ACRV1: variants seen among roughly 807,000 people sequenced by gnomAD.
ACRV1 encodes acrosomal protein SP-10.
A neutral mutation model predicts 29.2 loss-of-function variants in ACRV1; 17 were observed. That is an observed-to-expected ratio of 0.58 (90% CI 0.40 to 0.87). The LOEUF is 0.87. Ranked by LOEUF, ACRV1 falls within the 40% of genes least tolerant of loss-of-function variation. The pLI is 0.00. For missense variants in ACRV1, 294 were observed against 316.0 expected (o/e 0.93, Z 0.53); for synonymous variants, 98 against 111.6 (o/e 0.88, Z 0.77).
intron 3 of ACRV1, among the ~76,000 whole-genome samples, chr11:125,672,946 G>A (rs1222090284): frequency 6.6e-6 from 1 of 152,024 alleles, no homozygotes; most frequent in Non-Finnish European, 1.5e-5. Context: ...GGTTTACAAG[G>A]ATGCTCAGGT....
intron 2 of ACRV1, 36 bp from the exon 3 acceptor site, chr11:125,676,514 G>C (rs1350828481): frequency 6.2e-7 from 1 of 1,613,110 alleles, no homozygotes; most frequent in African/African-American, 1.3e-5. Flanking sequence ...ACATTTCCTT[G>C]TGGACCAGAT....
intron 1 of ACRV1, among the ~76,000 whole-genome samples, chr11:125,679,232 T>G (rs1942684030): frequency 6.7e-6 from 1 of 148,602 alleles, no homozygotes; most frequent in Non-Finnish European, 1.5e-5. Flanking sequence ...TTTTTTTTGT[T>G]TCAAAGATAG....
intron 2 of ACRV1, among the ~76,000 whole-genome samples, chr11:125,677,441 A>G (rs555964746): frequency 2.6e-4 from 39 of 152,370 alleles, no homozygotes; most frequent in African/African-American, 8.7e-4. Flanking sequence ...AGGCAGGGTT[A>G]GCATAAAGCT....
chr11:125,677,558 C>G (rs991506439), intron 2 of ACRV1, among the ~76,000 whole-genome samples: 1 of 152,102 alleles, frequency 6.6e-6, no homozygotes, highest in Non-Finnish European at 1.5e-5. Flanking sequence ...TGGAGGGGTA[C>G]TGGCATTTTG....
At chr11:125,673,943 G>A (rs1942348121) in intron 3 of ACRV1, among the ~76,000 whole-genome samples, 1 of 152,172 alleles carries the variant, frequency 6.6e-6, no homozygotes. Context: ...TGGATCACTT[G>A]AGGCCAGGAG....
chr11:125,673,924 C>T (rs1174544242), intron 3 of ACRV1, among the ~76,000 whole-genome samples: 1 of 152,060 alleles, frequency 6.6e-6, no homozygotes, highest in Admixed American at 6.6e-5. Context: ...TTTGGGAGGC[C>T]GAGGCAGGTG....
chr11:125,680,179 T>C (rs1444222494), intron 1 of ACRV1, among the ~76,000 whole-genome samples: 20 of 152,204 alleles, frequency 1.3e-4, no homozygotes, highest in Admixed American at 1.2e-3. Flanking sequence ...ATGGCCTCTT[T>C]CTGCTGTAGG....
rs754393224 is a variant in ACRV1 at position 125,672,585 on chromosome 11, C to T, written c.*8G>A. 3 of 1,613,608 alleles carry T rather than the reference C, an allele frequency of 1.9e-6. No individual in the cohort carries two copies. The highest frequency in any genetic ancestry group is 1.1e-5 in the South Asian group (1 of 91,026). On this transcript the variant is annotated 3_prime_UTR_variant, in exon 4 of 4. Coordinates refer to ENST00000533904, the MANE Select transcript of ACRV1 (RefSeq NM_001612.6). ...TGCCTGAGTCAAAACAAGCAAGGGC[C>T]CAGGCTTCTAGATCTTATTGCAGAA...
chr11:125,680,658 T>G, intron 1 of ACRV1, 71 bp downstream of exon 1: 5 of 1,418,046 alleles, frequency 3.5e-6, no homozygotes, highest in Non-Finnish European at 4.9e-6. Context: ...CTGGTCTTCC[T>G]TCTTCAAGGC....
Position 125,678,086 on chromosome 11 carries a change from A to G in ACRV1, c.264T>C (p.His88=), listed in dbSNP as rs1467239665. 6.2e-7 allele frequency: 1 copy of G among 1,614,176 alleles called. No homozygotes were observed. The highest frequency in any genetic ancestry group is 8.5e-7 in the Non-Finnish European group (1 of 1,180,024). The part of the protein sequence containing the change: ...HTVAEHTSGE[H]AESEHASGEP... ...CACCTGAAGCATGCTCACTCTCAGC[A>G]TGTTCTCCAGAAGTGTGCTCGGCCA... The change falls in exon 2 of 4, where the codon CAT becomes CAC. Residue 88 remains histidine (H), a synonymous_variant. Transcript: ENST00000533904.
chr11:125,679,765 A>G (rs982499802), intron 1 of ACRV1, among the ~76,000 whole-genome samples: 18 of 152,314 alleles, frequency 1.2e-4, no homozygotes, highest in South Asian at 6.2e-4. Flanking sequence ...CGATAGATAT[A>G]TTTTCTTGGC....
At chr11:125,676,179 A>T (rs1942497670) in intron 3 of ACRV1, 180 bp downstream of exon 3, 1 of 731,572 alleles carries the variant, frequency 1.4e-6, no homozygotes, top group East Asian at 2.9e-5. Context: ...AAGTGCTGGG[A>T]TTTTAGGTGT....
chr11:125,677,696 ATTCT>A, intron 2 of ACRV1, 97 bp downstream of exon 2: 2 of 1,486,846 alleles, frequency 1.3e-6, no homozygotes, highest in Non-Finnish European at 1.8e-6. Flanking sequence ...AGTGTTAACA[ATTCT>A]TTCTTCTGCA....
rs1942506905 is a variant in ACRV1 at position 125,676,370 on chromosome 11, T to A, written c.662A>T (p.Lys221Met). The change falls in exon 3 of 4, where the codon AAG becomes ATG. Residue 221 changes from lysine to methionine, a missense_variant. Physicochemically the swap from Lys to Met is moderately conservative, Grantham distance 95. Transcript: ENST00000533904. ...AAGTCCCCATATACCTTCAAAGATC[T>A]TCTTTAACATGCACTGCTGGGAATT... is the stretch of plus-strand genomic sequence containing the variant. Reference protein sequence around the residue: ...TQNSQQCMLKKIFEGGKLQFM... With the variant: ...TQNSQQCMLKMIFEGGKLQFM... The A allele has an allele frequency of 6.2e-7, 1 of 1,614,050 alleles. No individual in the cohort carries two copies. Among genetic ancestry groups the A allele is most frequent in the Non-Finnish European group, 8.5e-7 (1 of 1,180,032 alleles).
At position 125,680,689 on chromosome 11, in the gene ACRV1, C is replaced by T. The variant is rs1402222525; in HGVS notation, c.52+40G>A. On this transcript the variant is annotated intron_variant, in intron 1 of 3. Coordinates refer to ENST00000533904, the MANE Select transcript of ACRV1 (RefSeq NM_001612.6). ...AAGGCCTGAAATGTCTTAAGGGAGA[C>T]CCCTTTTGTATTTACCTGAAGCCTA... The T allele has an allele frequency of 7.6e-6, 12 of 1,575,066 alleles. 1 individual carries two copies. The Admixed American group carries it at 1.2e-4, about 16-fold the overall frequency.
chr11:125,679,647 T>G (rs1942706238), intron 1 of ACRV1, among the ~76,000 whole-genome samples: 2 of 152,228 alleles, frequency 1.3e-5, no homozygotes, highest in Admixed American at 6.5e-5. Context: ...ACAAGTAGAC[T>G]ACAACAACCA....
chr11:125,679,516 C>A (rs1260875143), intron 1 of ACRV1, among the ~76,000 whole-genome samples: 1 of 152,132 alleles, frequency 6.6e-6, no homozygotes, highest in African/African-American at 2.4e-5. Context: ...CTGTGTCTGG[C>A]CAATCCATCT....
chr11:125,678,674 C>T (rs1266548801), intron 1 of ACRV1, among the ~76,000 whole-genome samples: 1 of 152,018 alleles, frequency 6.6e-6, no homozygotes, highest in African/African-American at 2.4e-5. Flanking sequence ...ATCAGAAGTT[C>T]GCCACCAACC....
rs1294316264 is a variant in ACRV1 at position 125,671,704 on chromosome 11, T to G, written c.*889A>C. The stretch of plus-strand genomic sequence containing the variant: ...TATAGCTCTCTGTAGCTCTGTAACC[T>G]TGGTAAATTTGGAACAACATGGAGT... On this transcript the variant is annotated 3_prime_UTR_variant, in exon 4 of 4. Transcript: ENST00000533904. 1 of 152,184 alleles carries G rather than the reference T, an allele frequency of 6.6e-6. No individual in the cohort carries two copies. Among genetic ancestry groups the G allele is most frequent in the Non-Finnish European group, 1.5e-5 (1 of 68,038 alleles). The allele number at this position is 152,184 out of a possible 1,614,324, so 9.4% of individuals were successfully genotyped here. A position where few individuals can be genotyped will look rare whatever the true frequency, so the allele number is the denominator to read the frequency against.
Sources: gnomAD v4.1 joint callset for allele counts (sites outside exome capture counted in the v4.1 genomes callset) on GRCh38, gnomAD v4.1.1 for gene constraint, MANE v1.5 for transcripts, NCBI Gene and HGNC (gene_info 2026-07-23, HGNC 2026-07-21) for gene names.